DIAPH2: variants seen among roughly 807,000 people sequenced by gnomAD.
The protein encoded by DIAPH2 is protein diaphanous homolog 2.
Under a neutral mutation model 92.7 loss-of-function variants are expected in DIAPH2, and 35 were observed. That is an observed-to-expected ratio of 0.38 (90% CI 0.29 to 0.50). The LOEUF (loss-of-function observed/expected upper bound fraction) is 0.50. Among genes scored for constraint, DIAPH2 ranks in the 20% least tolerant of loss-of-function variants. The pLI is 0.94. For missense variants in DIAPH2, 701 were observed against 819.5 expected (o/e 0.86, Z 1.77); for synonymous variants, 301 against 280.4 (o/e 1.07, Z -0.73).
At chrX:97,108,484 G>A (rs115768302) in intron 20 of DIAPH2, among the ~76,000 whole-genome samples, 3,071 of 112,038 alleles carry the variant, frequency 0.027, 106 homozygotes, top group African/African-American at 0.094. Flanking sequence ...GGCTGGGGAT[G>A]TTGCTCAGTG....
At chrX:97,193,012 CTT>C (rs373054114) in intron 22 of DIAPH2, among the ~76,000 whole-genome samples, 6 of 86,575 alleles carry the variant, frequency 6.9e-5, no homozygotes, top group Admixed American at 1.2e-4. Context: ...TTTTTCTTTT[CTT>C]TTTTTTTTTT....
intron 22 of DIAPH2, among the ~76,000 whole-genome samples, chrX:97,187,708 TAATC>T (rs1425006376): frequency 9.0e-6 from 1 of 111,244 alleles, no homozygotes; most frequent in African/African-American, 3.3e-5. Flanking sequence ...GGGAATATAA[TAATC>T]AATATAAGTA....
intron 25 of DIAPH2, among the ~76,000 whole-genome samples, chrX:97,393,925 A>G (rs1041443674): frequency 8.9e-6 from 1 of 112,002 alleles, no homozygotes; most frequent in African/African-American, 3.2e-5. Flanking sequence ...ATAAAGAATG[A>G]GGTACCTTAG....
At chrX:97,192,115 C>A (rs2067658132) in intron 22 of DIAPH2, among the ~76,000 whole-genome samples, 2 of 109,599 alleles carry the variant, frequency 1.8e-5, no homozygotes, top group East Asian at 5.8e-4. Flanking sequence ...CATAGTGAAA[C>A]CCCTTCTCTA....
At chrX:97,319,638 A>T (rs1355060874) in intron 23 of DIAPH2, among the ~76,000 whole-genome samples, 3 of 110,086 alleles carry the variant, frequency 2.7e-5, no homozygotes, top group Non-Finnish European at 5.7e-5. Flanking sequence ...TGCCCGCCTC[A>T]GCCTCCCAAA....
intron 5 of DIAPH2, among the ~76,000 whole-genome samples, chrX:96,894,053 G>C (rs2065325698): frequency 9.3e-6 from 1 of 107,332 alleles, no homozygotes; most frequent in African/African-American, 3.3e-5. Flanking sequence ...TAATGTTATA[G>C]TACTTCTAAA....
chrX:97,109,981 T>C (rs2066968139), intron 20 of DIAPH2, among the ~76,000 whole-genome samples: 2 of 111,925 alleles, frequency 1.8e-5, no homozygotes, highest in Admixed American at 1.9e-4. Context: ...GATTAATATC[T>C]AGTAATACTG....
intron 16 of DIAPH2, among the ~76,000 whole-genome samples, chrX:96,962,408 T>C (rs866201865): frequency 1.5e-4 from 8 of 53,229 alleles, no homozygotes; most frequent in African/African-American, 3.3e-4. Context: ...TATATACACA[T>C]ATATATATAC....
chrX:97,318,126 TG>T (rs775206282), intron 23 of DIAPH2, among the ~76,000 whole-genome samples: 302 of 111,760 alleles, frequency 2.7e-3, no homozygotes, highest in African/African-American at 9.3e-3. Context: ...TCTCAACCAC[TG>T]GTCTATCCTT....
intron 22 of DIAPH2, among the ~76,000 whole-genome samples, chrX:97,218,341 C>T (rs1214854007): frequency 5.4e-5 from 6 of 111,423 alleles, no homozygotes; most frequent in African/African-American, 1.6e-4. Context: ...CTGCCTGCCT[C>T]GGCCTCCCAA....
intron 23 of DIAPH2, among the ~76,000 whole-genome samples, chrX:97,318,912 GA>G (rs1265953768): frequency 2.7e-5 from 3 of 111,850 alleles, no homozygotes; most frequent in Non-Finnish European, 5.6e-5. Flanking sequence ...ATTATTAATA[GA>G]ATCAGAAATA....
At chrX:97,476,402 G>A in intron 26 of DIAPH2, among the ~76,000 whole-genome samples, 1 of 111,937 alleles carries the variant, frequency 8.9e-6, no homozygotes, top group Middle Eastern at 4.6e-3. Context: ...AATGGCAAAT[G>A]TAGAGGCACG....
intron 22 of DIAPH2, among the ~76,000 whole-genome samples, chrX:97,239,933 G>C (rs1027014498): frequency 4.5e-4 from 49 of 109,933 alleles, no homozygotes; most frequent in African/African-American, 1.5e-3. Context: ...ATTAGAAGTA[G>C]TGTAGGCAAA....
At chrX:97,145,898 G>A (rs1431931440) in intron 22 of DIAPH2, among the ~76,000 whole-genome samples, 3 of 107,838 alleles carry the variant, frequency 2.8e-5, no homozygotes, top group Non-Finnish European at 5.7e-5. Flanking sequence ...CTCTGTGTAC[G>A]ATTTCATGCT....
At chrX:97,522,532 G>A (rs750606299) in intron 26 of DIAPH2, among the ~76,000 whole-genome samples, 12 of 112,511 alleles carry the variant, frequency 1.1e-4, no homozygotes, top group Non-Finnish European at 1.9e-4. Context: ...TCTGAACTAT[G>A]AGGTTCATAA....
At chrX:97,379,977 T>C (rs181439642) in intron 24 of DIAPH2, among the ~76,000 whole-genome samples, 42 of 111,592 alleles carry the variant, frequency 3.8e-4, no homozygotes, top group Admixed American at 3.2e-3. Flanking sequence ...TTCTTTCTTT[T>C]TTTTTTTAGC....
chrX:97,471,925 G>T (rs1343152706), intron 26 of DIAPH2, among the ~76,000 whole-genome samples: 1 of 110,830 alleles, frequency 9.0e-6, no homozygotes. Flanking sequence ...GTGAATGGCT[G>T]AATCAGAATC....
intron 26 of DIAPH2, among the ~76,000 whole-genome samples, chrX:97,562,329 C>T (rs1172500436): frequency 1.9e-5 from 2 of 103,249 alleles, no homozygotes; most frequent in African/African-American, 3.7e-5. Context: ...AACCCCATCT[C>T]TACTAAAAAT....
chrX:97,604,927 G>A lies in DIAPH2; in HGVS notation c.*5610G>A, dbSNP rs1470883271. On this transcript the variant is annotated 3_prime_UTR_variant, in exon 27 of 27. Transcript: ENST00000324765. ...GGAATAAACACCTATCTCTAAGCAG[G>A]ACCAAGAATGACTTGCAATCTATAT... 8.9e-6 allele frequency: 1 copy of A among 111,986 alleles called. No individual in the cohort carries two copies. The highest frequency in any genetic ancestry group is 9.5e-5 in the Admixed American group (1 of 10,534). The allele number at this position is 111,986 out of a possible 1,213,427, so 9.2% of individuals were successfully genotyped here.
Sources: allele counts gnomAD v4.1 joint callset (sites outside exome capture counted in the v4.1 genomes callset), GRCh38; gene constraint gnomAD v4.1.1; transcripts MANE v1.5; gene names NCBI Gene and HGNC (gene_info 2026-07-23, HGNC 2026-07-21).